The following CTNNAL1 variants were observed in gnomAD, a reference collection of about 807,000 sequenced individuals.
CTNNAL1 encodes the protein alpha-catulin.
A neutral mutation model predicts 93.6 loss-of-function variants in CTNNAL1; 69 were observed. The ratio of observed to expected loss-of-function variants is 0.74; its 90% CI spans 0.61 to 0.90. The LOEUF is 0.90. Ranked by LOEUF, CTNNAL1 falls within the 40% of genes least tolerant of loss-of-function variation. The pLI is 0.00. For synonymous variants in CTNNAL1, 286 were observed against 305.4 expected, an observed-to-expected ratio of 0.94 and a Z score of 0.66; for missense variants, 836 against 862.0, an observed-to-expected ratio of 0.97 and a Z score of 0.38.
In CTNNAL1 at chr9:108,965,547, C is replaced by T. The variant is rs756343846; in HGVS notation, c.1441-19G>A. On this transcript the variant is annotated intron_variant, in intron 10 of 18. Transcript: ENST00000325551. Reference sequence around the variant, plus strand: ...AAATTATCTAAAGAAACACAATATACACCTGTGTGAATTTCAAAATCTTAG... The same window carrying T: ...AAATTATCTAAAGAAACACAATATATACCTGTGTGAATTTCAAAATCTTAG... 8 of 1,459,726 alleles carry T rather than the reference C, an allele frequency of 5.5e-6. No individual in the cohort carries two copies. The highest frequency in any genetic ancestry group is 7.3e-6 in the Non-Finnish European group (8 of 1,088,898). The allele number at this position is 1,459,726 out of a possible 1,614,324, so 90.4% of individuals were successfully genotyped here.
chr9:108,954,973 T>C (rs55770053), intron 12 of CTNNAL1, among the ~76,000 whole-genome samples: 2 of 145,748 alleles, frequency 1.4e-5, no homozygotes, highest in Non-Finnish European at 3.1e-5. Context: ...ATTTTATTTT[T>C]TTTTTTTTTG....
At chr9:109,004,106 T>C (rs932135982) in intron 1 of CTNNAL1, among the ~76,000 whole-genome samples, 12 of 152,052 alleles carry the variant, frequency 7.9e-5, no homozygotes, top group African/African-American at 2.7e-4. Flanking sequence ...GGAAAGACAA[T>C]TCCCATGTCA....
At chr9:108,994,757 G>A (rs1457032839) in intron 2 of CTNNAL1, among the ~76,000 whole-genome samples, 1 of 152,150 alleles carries the variant, frequency 6.6e-6, no homozygotes, top group East Asian at 1.9e-4. Context: ...TGGTATGGTG[G>A]AAGTGGTGGT....
intron 1 of CTNNAL1, among the ~76,000 whole-genome samples, chr9:109,010,773 G>A (rs1002313179): frequency 2.6e-5 from 4 of 152,210 alleles, no homozygotes; most frequent in African/African-American, 9.6e-5. Flanking sequence ...GAAGCTAGAT[G>A]ATACCAGAAT....
chr9:108,974,596 G>A (rs1831207776), intron 8 of CTNNAL1, among the ~76,000 whole-genome samples: 1 of 152,190 alleles, frequency 6.6e-6, no homozygotes, highest in African/African-American at 2.4e-5. Flanking sequence ...CCCTTTCGGA[G>A]GCCAAGGCAG....
chr9:108,967,856 T>A (rs1831003908), intron 10 of CTNNAL1, among the ~76,000 whole-genome samples: 1 of 152,266 alleles, frequency 6.6e-6, no homozygotes, highest in South Asian at 2.1e-4. Context: ...AGAAAGTCAT[T>A]GGGGAACTTA....
Position 108,990,266 on chromosome 9 carries a change from A to G in CTNNAL1, c.639+460T>C, listed in dbSNP as rs1180006638. 4.7e-5 allele frequency among the ~76,000 whole-genome samples: 7 copies of G among 150,216 alleles called. No homozygotes were observed. In the Admixed American group the frequency reaches 4.7e-4, roughly 10 times the overall value. ...TTGAAAATTAAATGAGATCATGTAT[A>G]TTAAGTACCTAACACATAGGCAGTG... On this transcript the variant is annotated intron_variant, in intron 4 of 18. Coordinates refer to ENST00000325551, the MANE Select transcript of CTNNAL1 (RefSeq NM_003798.4).
Position 108,965,505 on chromosome 9 carries a change from C to A in CTNNAL1, c.1464G>T (p.Leu488Phe). 6.4e-7 allele frequency: 1 copy of A among 1,574,038 alleles called. No individual in the cohort carries two copies. The highest frequency in any genetic ancestry group is 1.2e-5 in the South Asian group (1 of 84,472). Residue 488 changes from leucine (L) to phenylalanine (F), a missense_variant, in exon 11 of 19, where the codon TTG (leucine) becomes TTT (phenylalanine). Leu to Phe is a conservative substitution (Grantham distance 22). Coordinates refer to ENST00000325551, the MANE Select transcript of CTNNAL1 (RefSeq NM_003798.4). ...GQQIISAAETLTLHPSSKIAK... is the reference protein window; with the variant it reads ...GQQIISAAETFTLHPSSKIAK... ...CAATTTTACTAGATGGATGCAATGT[C>A]AATGTTTCAGCAGCAGAAATTATCT...
rs1587988121 is a variant in CTNNAL1 at position 108,999,100 on chromosome 9, T to C, written c.298A>G (p.Ile100Val). ...TTAGCTTCAATACAAGCAATATTTA[T>C]TTCTTCTTTCAAATCCCAGTTTTCA... ...ANENWDLKEE[I>V]NIACIEAKQA... Residue 100 changes from isoleucine to valine, a missense_variant, in exon 2 of 19, where the codon ATA becomes GTA. Transcript: ENST00000325551. 4 of 1,610,708 alleles carry C rather than the reference T, an allele frequency of 2.5e-6. No homozygotes were observed. The highest frequency in any genetic ancestry group is 1.7e-4 in the Middle Eastern group (1 of 6,038).
At chr9:108,947,147 T>G (rs1480092719) in intron 15 of CTNNAL1, among the ~76,000 whole-genome samples, 3 of 147,666 alleles carry the variant, frequency 2.0e-5, no homozygotes, top group Non-Finnish European at 4.5e-5. Flanking sequence ...GGAGTCTTGC[T>G]CTGTCACCCA....
chr9:109,013,276 AG>A (rs1412049504), intron 1 of CTNNAL1, 25 bp downstream of exon 1: 13 of 1,473,668 alleles, frequency 8.8e-6, no homozygotes, highest in Non-Finnish European at 1.2e-5. Context: ...GAAGGAGAAG[AG>A]GGGCCGCGCC....
chr9:108,961,508 T>C (rs1251286173), intron 11 of CTNNAL1, among the ~76,000 whole-genome samples: 1 of 152,222 alleles, frequency 6.6e-6, no homozygotes, highest in Non-Finnish European at 1.5e-5. Flanking sequence ...AAGTGTCTCA[T>C]TGACTGAAGG....
At chr9:108,969,009 C>T (rs914042168) in intron 10 of CTNNAL1, among the ~76,000 whole-genome samples, 7 of 152,088 alleles carry the variant, frequency 4.6e-5, no homozygotes, top group African/African-American at 1.7e-4. Flanking sequence ...CAGTGGCTCA[C>T]GCCTGTAATC....
chr9:108,972,934 T>C (rs1831160397), intron 8 of CTNNAL1, 101 bp from the exon 9 acceptor site: 2 of 1,344,658 alleles, frequency 1.5e-6, no homozygotes, highest in South Asian at 1.5e-5. Context: ...AAGCACCACA[T>C]CAGCACTTTA....
intron 14 of CTNNAL1, among the ~76,000 whole-genome samples, chr9:108,951,387 T>A (rs371743329): frequency 7.2e-5 from 11 of 152,094 alleles, no homozygotes; most frequent in African/African-American, 2.7e-4. Context: ...TGAGCTTCAG[T>A]CTCTAGAATA....
chr9:108,970,445 G>A lies in CTNNAL1; in HGVS notation c.1397C>T (p.Thr466Ile). Residue 466 changes from threonine (T) to isoleucine (I), a missense_variant, in exon 10 of 19, where the codon ACC becomes ATC. By Grantham distance (89) the Thr-to-Ile change is moderately conservative. Transcript: ENST00000325551. ...AAATGTCTCCTCTGCATGTATACAG[G>A]TTATTTCCAGAGGTTCTGTCCCAGA... is the stretch of plus-strand genomic sequence containing the variant. Reference protein sequence around the residue: ...HISGTEPLEITCIHAEETFQV... With the variant: ...HISGTEPLEIICIHAEETFQV... 1 of 1,612,686 alleles carries A rather than the reference G, an allele frequency of 6.2e-7. No individual in the cohort carries two copies. Among genetic ancestry groups the A allele is most frequent in the South Asian group, 1.1e-5 (1 of 90,874 alleles).
At chr9:108,969,492 T>C (rs767072149) in intron 10 of CTNNAL1, among the ~76,000 whole-genome samples, 16 of 152,202 alleles carry the variant, frequency 1.1e-4, no homozygotes, top group Non-Finnish European at 1.9e-4. Context: ...TATGAAATTA[T>C]GGGAATAATT....
At chr9:109,000,662 A>G (rs903039308) in intron 1 of CTNNAL1, among the ~76,000 whole-genome samples, 1 of 151,920 alleles carries the variant, frequency 6.6e-6, no homozygotes, top group Non-Finnish European at 1.5e-5. Context: ...ACCAGCAAAC[A>G]TCAAAGGATA....
chr9:108,997,614 G>A (rs918321646), intron 2 of CTNNAL1, among the ~76,000 whole-genome samples: 1 of 151,926 alleles, frequency 6.6e-6, no homozygotes, highest in Admixed American at 6.6e-5. Flanking sequence ...TGGTTTTATC[G>A]CAATCACTCT....
Sources: allele counts gnomAD v4.1 joint callset (sites outside exome capture counted in the v4.1 genomes callset), GRCh38; gene constraint gnomAD v4.1.1; transcripts MANE v1.5; gene names NCBI Gene and HGNC (gene_info 2026-07-23, HGNC 2026-07-21).